MTUS1: variants seen among roughly 807,000 people sequenced by gnomAD.
The protein encoded by MTUS1 is microtubule associated scaffold protein 1, also known as microtubule-associated tumor suppressor 1.
A neutral mutation model predicts 120.8 loss-of-function variants in MTUS1; 109 were observed. The ratio of observed to expected loss-of-function variants is 0.90; its 90% CI spans 0.77 to 1.06. The LOEUF (loss-of-function observed/expected upper bound fraction) is 1.06, where lower values mean the gene tolerates loss of function less well. Among genes scored for constraint, MTUS1 ranks in the 50% least tolerant of loss-of-function variants. MTUS1 has a pLI of 0.00. For missense variants in MTUS1, 2,210 were observed against 1,486.3 expected (o/e 1.49, Z -8.01); for synonymous variants, 737 against 550.5 (o/e 1.34, Z -4.74).
At chr8:17,798,524 G>C (rs536278633) in intron 1 of MTUS1, among the ~76,000 whole-genome samples, 12 of 152,226 alleles carry the variant, frequency 7.9e-5, no homozygotes, top group African/African-American at 2.2e-4. Context: ...AGTAGAGACG[G>C]GGTTTCACCA....
At chr8:17,775,576 C>A (rs983534876) in intron 1 of MTUS1, among the ~76,000 whole-genome samples, 9 of 152,312 alleles carry the variant, frequency 5.9e-5, no homozygotes, top group African/African-American at 1.9e-4. Context: ...TTTGCAAGTT[C>A]TTTGTTAAAA....
Position 17,646,140 on chromosome 8 carries a change from C to T in MTUS1, c.3600-1G>A. On this transcript the variant is annotated splice_acceptor_variant, in intron 14 of 14. Coordinates refer to ENST00000693296, the MANE Select transcript of MTUS1 (RefSeq NM_001363059.2). LOFTEE classifies it high-confidence loss of function. ...AACAGCCTGCTCCGTGGAAAGCTGC[C>T]TTGAAGAAAAAGGCCAGAAACCATG... 6.2e-7 allele frequency: 1 copy of T among 1,600,882 alleles called. No homozygotes were observed.
intron 1 of MTUS1, among the ~76,000 whole-genome samples, chr8:17,767,549 T>G (rs1422279332): frequency 1.6e-5 from 2 of 128,840 alleles, no homozygotes; most frequent in African/African-American, 5.4e-5. Context: ...AAAAAAAAAA[T>G]CAACCAGGCA....
chr8:17,720,859 T>TAGTTA (rs1205672929), intron 4 of MTUS1, among the ~76,000 whole-genome samples: 1 of 152,178 alleles, frequency 6.6e-6, no homozygotes, highest in Non-Finnish European at 1.5e-5. Flanking sequence ...TGTTTTACAC[T>TAGTTA]AATATCCAAA....
At chr8:17,768,985 C>T (rs1349457172) in intron 1 of MTUS1, among the ~76,000 whole-genome samples, 6 of 151,990 alleles carry the variant, frequency 3.9e-5, no homozygotes, top group Non-Finnish European at 1.5e-5. Context: ...GGAAAACTGA[C>T]TTACTCAGTC....
chr8:17,659,725 A>G (rs1466877503), intron 8 of MTUS1, among the ~76,000 whole-genome samples: 3 of 152,166 alleles, frequency 2.0e-5, no homozygotes, highest in Non-Finnish European at 4.4e-5. Context: ...ACTGTGATGA[A>G]GCAGATACCA....
intron 1 of MTUS1, among the ~76,000 whole-genome samples, chr8:17,791,104 G>C (rs538875673): frequency 9.2e-5 from 14 of 152,250 alleles, no homozygotes; most frequent in African/African-American, 3.4e-4. Context: ...CTGGGTGTGG[G>C]AAATGGACCG....
intron 6 of MTUS1, among the ~76,000 whole-genome samples, chr8:17,685,910 T>C (rs6586630): frequency 0.58 from 88,896 of 152,074 alleles, 26,183 homozygotes; most frequent in Middle Eastern, 0.68. Flanking sequence ...TGCATAGATG[T>C]AGAAAATAGC....
chr8:17,754,083 A>C lies in MTUS1; in HGVS notation c.1725T>G (p.His575Gln), dbSNP rs776877284. The C allele has an allele frequency of 1.2e-6, 2 of 1,613,900 alleles. No homozygotes were observed. The highest frequency in any genetic ancestry group is 2.2e-5 in the South Asian group (2 of 91,066). The change falls in exon 2 of 15, where the codon CAT becomes CAG. Residue 575 changes from histidine (H) to glutamine (Q), a missense_variant. By Grantham distance (24) the His-to-Gln change is conservative. Coordinates refer to ENST00000693296, the MANE Select transcript of MTUS1 (RefSeq NM_001363059.2). Reference protein sequence around the residue: ...KKAEILINKTHKQQFNKLITS... With the variant: ...KKAEILINKTQKQQFNKLITS... The stretch of plus-strand genomic sequence containing the variant: ...TAATGAGTTTATTAAACTGCTGCTT[A>C]TGTGTCTTGTTAATTAGAATTTCTG...
chr8:17,647,117 TAAAA>T (rs565891321), intron 13 of MTUS1, 38 bp from the exon 14 acceptor site: 4 of 1,402,626 alleles, frequency 2.9e-6, no homozygotes, highest in Admixed American at 4.2e-5. Context: ...TATACAATAT[TAAAA>T]AAAAAACCCC....
Position 17,753,994 on chromosome 8 carries a change from G to A in MTUS1, c.1814C>T (p.Thr605Ile), listed in dbSNP as rs769500711. The change falls in exon 2 of 15, where the codon ACA becomes ATA. Residue 605 changes from threonine to isoleucine, a missense_variant. Thr to Ile is a moderately conservative substitution (Grantham distance 89). Coordinates refer to ENST00000693296, the MANE Select transcript of MTUS1 (RefSeq NM_001363059.2). ...KNASHRVPRTTSAVKSNQEDV... is the reference protein window; with the variant it reads ...KNASHRVPRTISAVKSNQEDV... Reference sequence around the variant, plus strand: ...TTCCTGATTCGATTTCACGGCAGATGTTGTTCTTGGAACCCTGTGTGAAGC... The same window carrying A: ...TTCCTGATTCGATTTCACGGCAGATATTGTTCTTGGAACCCTGTGTGAAGC... The A allele has an allele frequency of 6.8e-6, 11 of 1,614,090 alleles. No individual in the cohort carries two copies. The highest frequency in any genetic ancestry group is 1.1e-5 in the South Asian group (1 of 91,088).
chr8:17,743,679 G>A lies in MTUS1; in HGVS notation c.2212C>T (p.Arg738Trp), dbSNP rs556166371. 8.1e-6 allele frequency: 13 copies of A among 1,613,928 alleles called. No individual in the cohort carries two copies. The highest frequency in any genetic ancestry group is 1.3e-5 in the African/African-American group (1 of 74,880). ...KVGPPVSCLR[R>W]NSDNRNPSAD... ...CTGGGATTTCTATTGTCACTGTTCC[G>A]CCTCAAACAGGAAACAGGGGGCCCC... Residue 738 changes from arginine to tryptophan, a missense_variant, in exon 3 of 15, where the codon CGG becomes TGG. Arg to Trp is a moderately radical substitution (Grantham distance 101, BLOSUM62 -3). Transcript: ENST00000693296.
At chr8:17,742,836 T>C (rs1164274389) in intron 3 of MTUS1, among the ~76,000 whole-genome samples, 1 of 152,228 alleles carries the variant, frequency 6.6e-6, no homozygotes, top group Non-Finnish European at 1.5e-5. Context: ...TGTGGACACA[T>C]AACTATTTGT....
chr8:17,765,665 T>G lies in MTUS1; in HGVS notation c.-154-9704A>C, dbSNP rs2049425384. On this transcript the variant is annotated intron_variant, in intron 1 of 14. Transcript: ENST00000693296. ...GCTGTCATCTATACTTCACCATCAT[T>G]AAAATACAGACACCACACACACACA... Among the ~76,000 whole-genome samples the G allele has an allele frequency of 3.9e-5, 4 of 103,604 alleles. 1 individual carries two copies. Among genetic ancestry groups the G allele is most frequent in the South Asian group, 6.6e-4 (2 of 3,022 alleles). The allele number at this position is 103,604 out of a possible 152,430, so 68.0% of individuals were successfully genotyped here.
rs1224275371 is a variant in MTUS1, at chr8:17,801,080, T to G, written c.-174A>C. 6.6e-6 allele frequency among the ~76,000 whole-genome samples: 1 copy of G among 151,602 alleles called. No homozygotes were observed. The highest frequency in any genetic ancestry group is 1.5e-5 in the Non-Finnish European group (1 of 67,958). On this transcript the variant is annotated 5_prime_UTR_variant, in exon 1 of 15. Transcript: ENST00000693296. Reference sequence around the variant, plus strand: ...ACTTACCCGCAGCTCCTTCAAGCGCTCCGGGAGCAAAGACGCAGAGGCGGG... The same window carrying G: ...ACTTACCCGCAGCTCCTTCAAGCGCGCCGGGAGCAAAGACGCAGAGGCGGG...
rs534401118 is a variant in MTUS1, at chr8:17,687,759, T to C, written c.2624-3217A>G. The stretch of plus-strand genomic sequence containing the variant: ...GGCCAGAACCAAAGACATTTGCTCA[T>C]TTGGAAAGCAGCTGGATGACCCTGT... On this transcript the variant is annotated intron_variant, in intron 6 of 14. Transcript: ENST00000693296. 3.3e-5 allele frequency among the ~76,000 whole-genome samples: 5 copies of C among 152,338 alleles called. No homozygotes were observed. In the South Asian group the frequency reaches 1.0e-3, roughly 32 times the overall value.
intron 1 of MTUS1, among the ~76,000 whole-genome samples, chr8:17,768,703 G>C (rs2131430471): frequency 6.6e-6 from 1 of 152,140 alleles, no homozygotes; most frequent in Non-Finnish European, 1.5e-5. Context: ...TAAGAAGATA[G>C]AAGTCTCCTA....
At position 17,653,451 on chromosome 8, in the gene MTUS1, G is replaced by T; in HGVS notation, c.3262C>A (p.Leu1088Ile). 1 of 1,612,198 alleles carries T rather than the reference G, an allele frequency of 6.2e-7. No homozygotes were observed. The highest frequency in any genetic ancestry group is 1.3e-5 in the African/African-American group (1 of 74,926). Residue 1088 changes from leucine to isoleucine, a missense_variant, in exon 11 of 15, where the codon CTT (leucine) becomes ATT (isoleucine). Physicochemically the swap from Leu to Ile is conservative, Grantham distance 5 (BLOSUM62 2). Transcript: ENST00000693296. The part of the protein sequence containing the change: ...EIEKKSLEDL[L>I]SEKQESLEKQ... The stretch of plus-strand genomic sequence containing the variant: ...TCTAGCGATTCCTGCTTCTCAGAAA[G>T]TAAATCTTCAAGCGATTTCTTTTCT...
intron 4 of MTUS1, among the ~76,000 whole-genome samples, chr8:17,719,177 A>G (rs1000112520): frequency 2.0e-5 from 3 of 151,766 alleles, no homozygotes; most frequent in African/African-American, 4.8e-5. Context: ...CTCAAAAAAA[A>G]AGAAAAGGGC....
Sources: gnomAD v4.1 joint callset for allele counts (sites outside exome capture counted in the v4.1 genomes callset) on GRCh38, gnomAD v4.1.1 for gene constraint, MANE v1.5 for transcripts, NCBI Gene and HGNC (gene_info 2026-07-23, HGNC 2026-07-21) for gene names.